The following CELF2 variants were observed in gnomAD, a reference collection of about 807,000 sequenced individuals.
CELF2 encodes CUG triplet repeat RNA-binding protein 2.
In CELF2, 8 loss-of-function variants were observed where a neutral mutation model predicts 62.6. The observed-to-expected ratio is 0.13, with a 90% CI of 0.07 to 0.23. CELF2 has a LOEUF of 0.23. Ranked by LOEUF, CELF2 falls within the 10% of genes least tolerant of loss-of-function variation. The probability of loss-of-function intolerance (pLI) is 1.00; values close to 1 mark genes in which losing one functional copy is unlikely to be tolerated. For missense variants in CELF2, 333 were observed against 671.0 expected, an observed-to-expected ratio of 0.50 and a Z score of 5.56; for synonymous variants, 258 against 250.0, an observed-to-expected ratio of 1.03 and a Z score of -0.30.
chr10:11,281,661 G>A (rs1301492457), intron 8 of CELF2, among the ~76,000 whole-genome samples: 1 of 152,196 alleles, frequency 6.6e-6, no homozygotes, highest in Non-Finnish European at 1.5e-5. Context: ...GCTGAGGTAG[G>A]AGGATCGCTT....
chr10:10,539,397 A>G, the CELF2 span, among the ~76,000 whole-genome samples: 1 of 152,166 alleles, frequency 6.6e-6, no homozygotes, highest in Admixed American at 6.5e-5. Flanking sequence ...GCTTAATTAA[A>G]CTTAGGGAGA....
At chr10:10,741,254 TG>T in the CELF2 span, among the ~76,000 whole-genome samples, 1 of 152,214 alleles carries the variant, frequency 6.6e-6, no homozygotes, top group East Asian at 1.9e-4. Flanking sequence ...GGCTCACACC[TG>T]TCATCCCAGC....
At chr10:10,924,943 A>C (rs1244289000) in intron 2 of CELF2, 1 of 152,070 alleles carries the variant, frequency 6.6e-6, no homozygotes, top group Non-Finnish European at 1.5e-5. Context: ...TAAGTCATAG[A>C]TCTTTGTTAT....
intron 1 of CELF2, among the ~76,000 whole-genome samples, chr10:10,802,508 A>G (rs540388365): frequency 4.6e-5 from 7 of 152,272 alleles, no homozygotes; most frequent in African/African-American, 1.7e-4. Context: ...AAACTTGAAC[A>G]TATGCTGAGT....
At chr10:11,169,694 A>G (rs2133554692) in intron 2 of CELF2, among the ~76,000 whole-genome samples, 1 of 152,328 alleles carries the variant, frequency 6.6e-6, no homozygotes. Flanking sequence ...TTTAGCAACA[A>G]GAGGCTCAGA....
At chr10:10,532,696 A>G in the CELF2 span, among the ~76,000 whole-genome samples, 1 of 152,206 alleles carries the variant, frequency 6.6e-6, no homozygotes, top group African/African-American at 2.4e-5. Context: ...AGGATCATTA[A>G]CTGCTTCCAA....
intron 2 of CELF2, among the ~76,000 whole-genome samples, chr10:10,959,226 A>C (rs1483512463): frequency 1.3e-5 from 2 of 152,226 alleles, no homozygotes; most frequent in Admixed American, 6.5e-5. Context: ...GGTTGCAGTG[A>C]GGTGACATCG....
At chr10:10,723,850 C>T in the CELF2 span, among the ~76,000 whole-genome samples, 6 of 152,112 alleles carry the variant, frequency 3.9e-5, no homozygotes, top group South Asian at 2.1e-4. Context: ...CAACATTCTT[C>T]GCCTCTTGGA....
At chr10:10,862,902 C>T (rs1451193081) in intron 1 of CELF2, among the ~76,000 whole-genome samples, 2 of 152,116 alleles carry the variant, frequency 1.3e-5, no homozygotes, top group South Asian at 4.1e-4. Flanking sequence ...GTGTTCTGCT[C>T]TGTGTGGGAA....
chr10:10,517,619 T>C, the CELF2 span, among the ~76,000 whole-genome samples: 10 of 152,164 alleles, frequency 6.6e-5, no homozygotes, highest in Admixed American at 1.3e-4. Flanking sequence ...CCCAGGCTGA[T>C]GTCAGGTCTT....
intron 1 of CELF2, among the ~76,000 whole-genome samples, chr10:11,053,578 C>CT (rs2064416388): frequency 6.8e-6 from 1 of 147,242 alleles, no homozygotes; most frequent in Non-Finnish European, 1.5e-5. Flanking sequence ...AAAAAAAAGA[C>CT]TATTTGGGCA....
chr10:10,730,847 G>A, the CELF2 span, among the ~76,000 whole-genome samples: 1 of 152,190 alleles, frequency 6.6e-6, no homozygotes, highest in African/African-American at 2.4e-5. Context: ...CCCTCTCTCA[G>A]TGTTGATGCC....
the CELF2 span, among the ~76,000 whole-genome samples, chr10:10,737,586 AG>A: frequency 1.3e-5 from 2 of 152,062 alleles, no homozygotes; most frequent in Non-Finnish European, 2.9e-5. Flanking sequence ...GCCTCCAGCA[AG>A]GGGGGAAGCT....
chr10:11,329,328 CCTTTT>C lies in CELF2; in HGVS notation c.*276_*280del, dbSNP rs1415448847. 1 of 243,146 alleles carries C rather than the reference CCTTTT, an allele frequency of 4.1e-6. No individual in the cohort carries two copies. The highest frequency in any genetic ancestry group is 7.8e-6 in the Non-Finnish European group (1 of 128,366). The allele number at this position is 243,146 out of a possible 1,614,324, so 15.1% of individuals were successfully genotyped here. ...GTTTTGCGATTTGAATCTCCTTTTA[CCTTTT>C]TTTTTAATTTTTTTCATTTTTGCTT... On this transcript the variant is annotated 3_prime_UTR_variant, in exon 13 of 13. Coordinates refer to ENST00000633077, the MANE Select transcript of CELF2 (RefSeq NM_001326342.2). This position sits in a 1 kb window ranked among gnomAD's most constrained non-coding sequence, Gnocchi z 5.5.
At chr10:10,874,211 G>T (rs1006248526) in intron 1 of CELF2, among the ~76,000 whole-genome samples, 101 of 152,044 alleles carry the variant, frequency 6.6e-4, no homozygotes, top group African/African-American at 2.3e-3. Context: ...CTAACTACTT[G>T]GGAGGCTGAG....
chr10:10,611,293 A>G, the CELF2 span, among the ~76,000 whole-genome samples: 2 of 152,160 alleles, frequency 1.3e-5, no homozygotes, highest in African/African-American at 4.8e-5. Context: ...ATTGAGAACC[A>G]ACACAGCAAG....
In CELF2 at chr10:11,098,624, A is replaced by G. The variant is rs544703256; in HGVS notation, c.75-66862A>G. ...CAGTGAGCACGCTCATTTTTTTTCC[A>G]TTTTAGACAAATAATGCATGATAAG... On this transcript the variant is annotated intron_variant, in intron 1 of 12. Coordinates refer to ENST00000633077, the MANE Select transcript of CELF2 (RefSeq NM_001326342.2). This position sits in a 1 kb window ranked among gnomAD's most constrained non-coding sequence, Gnocchi z 4.0. The G allele has an allele frequency of 2.0e-5, 3 of 152,152 alleles. No homozygotes were observed. Among genetic ancestry groups the G allele is most frequent in the African/African-American group, 7.2e-5 (3 of 41,430 alleles). 9.4% of individuals were successfully genotyped at this position (152,152 alleles called of 1,614,324 possible). A position where few individuals can be genotyped will look rare whatever the true frequency, so the allele number is the denominator to read the frequency against.
At chr10:10,699,351 T>A in the CELF2 span, among the ~76,000 whole-genome samples, 2 of 152,218 alleles carry the variant, frequency 1.3e-5, no homozygotes, top group Non-Finnish European at 2.9e-5. Context: ...CATAAGGACT[T>A]CTTTTTGTGC....
At chr10:10,683,634 C>G in the CELF2 span, among the ~76,000 whole-genome samples, 1,014 of 152,184 alleles carry the variant, frequency 6.7e-3, 9 homozygotes, top group African/African-American at 0.023. Flanking sequence ...TGACATATGG[C>G]GCAGTTTTAG....
Sources: allele counts gnomAD v4.1 joint callset (sites outside exome capture counted in the v4.1 genomes callset), GRCh38; gene constraint gnomAD v4.1.1; non-coding constraint Gnocchi (gnomAD v3.1); transcripts MANE v1.5; gene names NCBI Gene and HGNC (gene_info 2026-07-23, HGNC 2026-07-21).